The following PDSS2 variants were observed in gnomAD, a reference collection of about 807,000 sequenced individuals.
PDSS2 encodes the protein decaprenyl diphosphate synthase subunit 2.
Under a neutral mutation model 44.5 loss-of-function variants are expected in PDSS2, and 31 were observed. That is an observed-to-expected ratio of 0.70 (90% CI 0.52 to 0.94). The LOEUF (loss-of-function observed/expected upper bound fraction) is 0.94, where lower values mean the gene tolerates loss of function less well. PDSS2 is among the 40% of genes least tolerant of loss of function. PDSS2 has a pLI of 0.00. For synonymous variants in PDSS2, 157 were observed against 180.3 expected (o/e 0.87, Z 1.03); for missense variants, 452 against 482.2 (o/e 0.94, Z 0.59).
At chr6:107,325,556 A>G (rs964493199) in intron 2 of PDSS2, among the ~76,000 whole-genome samples, 1 of 152,202 alleles carries the variant, frequency 6.6e-6, no homozygotes, top group African/African-American at 2.4e-5. Flanking sequence ...TTTTTTTAAC[A>G]AAAATAATTT....
In PDSS2 at chr6:107,154,286, C is replaced by T. The variant is rs1582702319; in HGVS notation, c.*333G>A. On this transcript the variant is annotated 3_prime_UTR_variant, in exon 8 of 8. Coordinates refer to ENST00000369037, the MANE Select transcript of PDSS2 (RefSeq NM_020381.4). ...TCTAGCAGGAAAAACCACAGGCCAC[C>T]GCCCTGGCGCCATCCCTGGCTCGGT... 1.8e-5 allele frequency: 6 copies of T among 339,410 alleles called. No individual in the cohort carries two copies. The highest frequency in any genetic ancestry group is 7.7e-5 in the East Asian group (1 of 13,032). 21.0% of individuals were successfully genotyped at this position (339,410 alleles called of 1,614,324 possible).
chr6:107,236,212 T>C (rs546681304), intron 4 of PDSS2, among the ~76,000 whole-genome samples: 1 of 152,118 alleles, frequency 6.6e-6, no homozygotes, highest in South Asian at 2.1e-4. Flanking sequence ...AAGAAGACAA[T>C]GAAGCAACAT....
intron 7 of PDSS2, among the ~76,000 whole-genome samples, chr6:107,160,992 C>T (rs1554246595): frequency 6.6e-6 from 1 of 152,016 alleles, no homozygotes; most frequent in African/African-American, 2.4e-5. Context: ...CCCACCTCGG[C>T]CTCCAAAAGT....
At chr6:107,199,309 G>A (rs1026066040) in intron 6 of PDSS2, among the ~76,000 whole-genome samples, 1 of 152,114 alleles carries the variant, frequency 6.6e-6, no homozygotes, top group Non-Finnish European at 1.5e-5. Context: ...CTGTTTGATT[G>A]GTTGATTAAA....
At chr6:107,161,324 C>G (rs1353231175) in intron 7 of PDSS2, among the ~76,000 whole-genome samples, 1 of 151,626 alleles carries the variant, frequency 6.6e-6, no homozygotes, top group East Asian at 2.0e-4. Flanking sequence ...ACTAAAAATA[C>G]AAAAAATTAG....
chr6:107,255,788 GTTTAA>G (rs776929910), intron 3 of PDSS2, among the ~76,000 whole-genome samples: 21 of 152,054 alleles, frequency 1.4e-4, no homozygotes, highest in Non-Finnish European at 1.9e-4. Context: ...TTTTGATGCA[GTTTAA>G]ACATTGTTAC....
In PDSS2 at chr6:107,342,080, A is replaced by C. The variant is rs912538617; in HGVS notation, c.297-7748T>G. The stretch of plus-strand genomic sequence containing the variant: ...CTTATGCTTTGAGGCCTTGGTATTT[A>C]ATTATTTGTTCACAGGACTCCCTGG... On this transcript the variant is annotated intron_variant, in intron 1 of 7. Coordinates refer to ENST00000369037, the MANE Select transcript of PDSS2 (RefSeq NM_020381.4). 2.0e-5 allele frequency among the ~76,000 whole-genome samples: 3 copies of C among 152,038 alleles called. No individual in the cohort carries two copies. The East Asian group carries it at 5.8e-4, about 29-fold the overall frequency.
intron 3 of PDSS2, among the ~76,000 whole-genome samples, chr6:107,273,064 A>G (rs1775657307): frequency 6.6e-6 from 1 of 152,058 alleles, no homozygotes; most frequent in Non-Finnish European, 1.5e-5. Flanking sequence ...GGCTCACTGC[A>G]ACCTCTGCCT....
At chr6:107,361,151 CTG>C (rs1238153305) in intron 1 of PDSS2, among the ~76,000 whole-genome samples, 1 of 152,072 alleles carries the variant, frequency 6.6e-6, no homozygotes, top group African/African-American at 2.4e-5. Context: ...ATTTTAAAGA[CTG>C]TTCTCATTTT....
At chr6:107,402,533 T>TTA (rs765013424) in intron 1 of PDSS2, among the ~76,000 whole-genome samples, 16,039 of 63,382 alleles carry the variant, frequency 0.25, 1,285 homozygotes, top group Middle Eastern at 0.29. Context: ...TACATACATT[T>TTA]TATATATATA....
chr6:107,285,031 G>T (rs540730929), intron 2 of PDSS2, among the ~76,000 whole-genome samples: 2 of 152,310 alleles, frequency 1.3e-5, no homozygotes, highest in South Asian at 2.1e-4. Context: ...CTAGTTAACT[G>T]CAAAGCTGGA....
chr6:107,331,850 G>C (rs902041231), intron 2 of PDSS2, among the ~76,000 whole-genome samples: 21 of 151,936 alleles, frequency 1.4e-4, no homozygotes, highest in Non-Finnish European at 5.9e-5. Context: ...AAAAATAGTA[G>C]GTGCTCATTA....
In PDSS2 at chr6:107,274,153, T is replaced by C. The variant is rs759122148; in HGVS notation, c.506A>G (p.Asn169Ser). ...LLVHRGIVNL[N>S]ELQSSDGPLK... ...TGGACCATCAGATGATTGCAACTCA[T>C]TTAAATTTACTATCCCACGATGTAC... Residue 169 changes from asparagine to serine, a missense_variant, in exon 3 of 8, where the codon AAT becomes AGT. Physicochemically the swap from Asn to Ser is conservative, Grantham distance 46. Coordinates refer to ENST00000369037, the MANE Select transcript of PDSS2 (RefSeq NM_020381.4). 3.1e-6 allele frequency: 5 copies of C among 1,613,860 alleles called. 1 individual carries two copies. Among genetic ancestry groups the C allele is most frequent in the South Asian group, 2.2e-5 (2 of 91,086 alleles).
intron 2 of PDSS2, among the ~76,000 whole-genome samples, chr6:107,291,559 T>A (rs1401713768): frequency 3.5e-5 from 4 of 113,308 alleles, no homozygotes; most frequent in African/African-American, 1.3e-4. Flanking sequence ...GACGGGGGGG[T>A]CTCACTATGT....
At chr6:107,202,511 A>G (rs940436633) in intron 6 of PDSS2, among the ~76,000 whole-genome samples, 2 of 152,188 alleles carry the variant, frequency 1.3e-5, no homozygotes, top group African/African-American at 4.8e-5. Flanking sequence ...CAGCCCACTG[A>G]GTATTGGTTT....
rs1554279679 is a variant in PDSS2 at position 107,424,036 on chromosome 6, C to CATTTTTTTTT, written c.296+34953_296+34954insAAAAAAAAAT. Among the ~76,000 whole-genome samples, 13 of 90,582 alleles carry CATTTTTTTTT rather than the reference C, an allele frequency of 1.4e-4. 5 individuals carry two copies. Among genetic ancestry groups the CATTTTTTTTT allele is most frequent in the Non-Finnish European group, 6.4e-5 (3 of 47,154 alleles). 59.4% of individuals were successfully genotyped at this position (90,582 alleles called of 152,430 possible). On this transcript the variant is annotated intron_variant, in intron 1 of 7. Coordinates refer to ENST00000369037, the MANE Select transcript of PDSS2 (RefSeq NM_020381.4). The stretch of plus-strand genomic sequence containing the variant: ...AATTATGATTATTTTTATCTTGCAT[C>CATTTTTTTTT]TTTTTTTTTTTTTTTTTTTTTTTGG...
intron 2 of PDSS2, among the ~76,000 whole-genome samples, chr6:107,314,896 T>C (rs556910274): frequency 3.9e-4 from 59 of 152,300 alleles, no homozygotes; most frequent in South Asian, 2.3e-3. Flanking sequence ...AGGCAGACTG[T>C]TTGAAATAAG....
chr6:107,197,879 T>C (rs751071854), intron 6 of PDSS2: 1 of 467,912 alleles, frequency 2.1e-6, no homozygotes, highest in South Asian at 1.5e-5. Context: ...GTTAGAAAGT[T>C]GAACTTCTGT....
chr6:107,327,023 T>G (rs1173668128), intron 2 of PDSS2, among the ~76,000 whole-genome samples: 2 of 152,190 alleles, frequency 1.3e-5, no homozygotes, highest in African/African-American at 4.8e-5. Context: ...CATATTCTAC[T>G]TGTACCTGAA....
Sources: allele counts gnomAD v4.1 joint callset (sites outside exome capture counted in the v4.1 genomes callset), GRCh38; gene constraint gnomAD v4.1.1; transcripts MANE v1.5; gene names NCBI Gene and HGNC (gene_info 2026-07-23, HGNC 2026-07-21).